ZNF385B: variants seen among roughly 807,000 people sequenced by gnomAD.
The protein encoded by ZNF385B is zinc finger protein 385B.
In ZNF385B, 23 loss-of-function variants were observed where a neutral mutation model predicts 39.2. The observed-to-expected ratio is 0.59, with a 90% CI of 0.42 to 0.83. The LOEUF (loss-of-function observed/expected upper bound fraction) is 0.83. ZNF385B is among the 40% of genes least tolerant of loss of function. ZNF385B has a pLI of 0.00. For missense variants in ZNF385B, 552 were observed against 598.9 expected, an observed-to-expected ratio of 0.92 and a Z score of 0.82; for synonymous variants, 205 against 222.6, an observed-to-expected ratio of 0.92 and a Z score of 0.70.
intron 6 of ZNF385B, chr2:179,480,786 T>A (rs2053909349): frequency 6.6e-6 from 1 of 152,132 alleles, no homozygotes; most frequent in South Asian, 2.1e-4. Context: ...TTAGTATTAA[T>A]ACTTATACCA....
At chr2:179,467,947 T>C (rs977038259) in intron 6 of ZNF385B, among the ~76,000 whole-genome samples, 18 of 152,212 alleles carry the variant, frequency 1.2e-4, no homozygotes, top group Admixed American at 1.2e-3. Context: ...CAGGCTACAA[T>C]CCTGACTTAG....
intron 1 of ZNF385B, among the ~76,000 whole-genome samples, chr2:179,821,415 C>A (rs941340267): frequency 1.3e-5 from 2 of 152,236 alleles, no homozygotes; most frequent in South Asian, 2.1e-4. Flanking sequence ...TTGAGAACAA[C>A]GTAGGAGCTG....
At chr2:179,807,929 A>AGAAAGAAATAAAGAAG (rs749760813) in intron 1 of ZNF385B, among the ~76,000 whole-genome samples, 1 of 116,414 alleles carries the variant, frequency 8.6e-6, no homozygotes, top group African/African-American at 2.9e-5. Context: ...AAAGAAAGAA[A>AGAAAGAAATAAAGAAG]GAAGGAAGGA....
At chr2:179,630,863 C>T (rs528106210) in intron 3 of ZNF385B, among the ~76,000 whole-genome samples, 40 of 152,202 alleles carry the variant, frequency 2.6e-4, no homozygotes, top group Non-Finnish European at 4.9e-4. Context: ...ATGAGAACTT[C>T]GTGACACATG....
intron 4 of ZNF385B, among the ~76,000 whole-genome samples, chr2:179,541,039 T>C (rs145977351): frequency 1.7e-3 from 261 of 152,312 alleles, no homozygotes; most frequent in Non-Finnish European, 2.9e-3. Flanking sequence ...TACCTATAAA[T>C]GACTCAAAAC....
Position 179,834,373 on chromosome 2 carries a change from TG to T in ZNF385B, c.-155+26727del, listed in dbSNP as rs1256970013. Among the ~76,000 whole-genome samples, 3 of 152,084 alleles carry T rather than the reference TG, an allele frequency of 2.0e-5. No individual in the cohort carries two copies. In the East Asian group the frequency reaches 5.8e-4, roughly 29 times the overall value. Reference sequence around the variant, plus strand: ...CTAAGCTAGACCAAAAAAAGTGGCTTGGGGAGAGTGCTCAATAACTAATTAA... The same window carrying T: ...CTAAGCTAGACCAAAAAAAGTGGCTTGGGAGAGTGCTCAATAACTAATTAA... On this transcript the variant is annotated intron_variant, in intron 1 of 9. Coordinates refer to ENST00000410066, the MANE Select transcript of ZNF385B (RefSeq NM_152520.6).
chr2:179,595,637 T>C (rs77331978), intron 3 of ZNF385B, among the ~76,000 whole-genome samples: 1 of 151,560 alleles, frequency 6.6e-6, no homozygotes, highest in African/African-American at 2.4e-5. Context: ...TTTTTTTTTT[T>C]CTTCCAGAGA....
chr2:179,786,787 C>A (rs1705032525), intron 1 of ZNF385B, among the ~76,000 whole-genome samples: 1 of 149,508 alleles, frequency 6.7e-6, no homozygotes, highest in African/African-American at 2.5e-5. Context: ...CATGATTATT[C>A]CCTTAGGATA....
intron 3 of ZNF385B, among the ~76,000 whole-genome samples, chr2:179,548,181 C>CT (rs1342236474): frequency 6.7e-6 from 1 of 149,572 alleles, no homozygotes; most frequent in African/African-American, 2.5e-5. Flanking sequence ...GATAATTTGA[C>CT]TTTTTCCTTT....
intron 3 of ZNF385B, among the ~76,000 whole-genome samples, chr2:179,626,855 G>A (rs1392782440): frequency 6.6e-6 from 1 of 152,106 alleles, no homozygotes; most frequent in African/African-American, 2.4e-5. Context: ...TAATTCTGTT[G>A]AAACATGATC....
intron 3 of ZNF385B, among the ~76,000 whole-genome samples, chr2:179,735,710 T>G (rs1316785156): frequency 9.9e-5 from 15 of 150,792 alleles, no homozygotes; most frequent in Non-Finnish European, 2.2e-4. Flanking sequence ...CCATAAAAAA[T>G]GATGAGTTCA....
intron 3 of ZNF385B, among the ~76,000 whole-genome samples, chr2:179,731,136 C>T (rs12472888): frequency 0.22 from 32,832 of 152,134 alleles, 4,046 homozygotes; most frequent in East Asian, 0.49. Flanking sequence ...ACTGTTCCCA[C>T]TTTGTAAAAA....
At chr2:179,800,006 G>A (rs1705928047) in intron 1 of ZNF385B, among the ~76,000 whole-genome samples, 1 of 152,040 alleles carries the variant, frequency 6.6e-6, no homozygotes, top group South Asian at 2.1e-4. Context: ...TGACATCCAA[G>A]AGCTAAAACT....
At chr2:179,577,696 T>G (rs773658245) in intron 3 of ZNF385B, among the ~76,000 whole-genome samples, 1 of 152,070 alleles carries the variant, frequency 6.6e-6, no homozygotes, top group African/African-American at 2.4e-5. Context: ...GTTTGGATAA[T>G]TATGTGTCAG....
intron 5 of ZNF385B, among the ~76,000 whole-genome samples, chr2:179,512,164 T>C (rs1214159296): frequency 2.0e-5 from 3 of 152,106 alleles, no homozygotes; most frequent in African/African-American, 7.2e-5. Flanking sequence ...CATGCTTTCA[T>C]TTTGATTTGC....
Position 179,493,777 on chromosome 2 carries a change from A to ATACATATGTGTATATGCATATATG in ZNF385B, c.553-10344_553-10343insCATATATGCATATACACATATGTA, listed in dbSNP as rs1559338308. Among the ~76,000 whole-genome samples, 8 of 100,502 alleles carry ATACATATGTGTATATGCATATATG rather than the reference A, an allele frequency of 8.0e-5. No homozygotes were observed. The East Asian group carries it at 1.3e-3, about 16-fold the overall frequency. 65.9% of individuals were successfully genotyped at this position (100,502 alleles called of 152,430 possible). A position where few individuals can be genotyped will look rare whatever the true frequency, so the allele number is the denominator to read the frequency against. ...TATACATATATGTATACATATATGT[A>ATACATATGTGTATATGCATATATG]TATACACATATGTATACATATATGT... On this transcript the variant is annotated intron_variant, in intron 5 of 9. Transcript: ENST00000410066.
chr2:179,722,957 C>G (rs1448753197), intron 3 of ZNF385B, among the ~76,000 whole-genome samples: 1 of 152,064 alleles, frequency 6.6e-6, no homozygotes, highest in Non-Finnish European at 1.5e-5. Context: ...TGAAAAGATG[C>G]TCAGCCTCAT....
At chr2:179,853,976 T>C (rs929378785) in intron 1 of ZNF385B, among the ~76,000 whole-genome samples, 2 of 152,170 alleles carry the variant, frequency 1.3e-5, no homozygotes, top group African/African-American at 4.8e-5. Context: ...GGGACTAAGA[T>C]GTGTTTAATC....
intron 6 of ZNF385B, among the ~76,000 whole-genome samples, chr2:179,449,545 G>A (rs1312558826): frequency 6.6e-6 from 1 of 151,988 alleles, no homozygotes; most frequent in Non-Finnish European, 1.5e-5. Flanking sequence ...AACTTACAAG[G>A]GACATGAAGG....
Sources: allele counts gnomAD v4.1 joint callset (sites outside exome capture counted in the v4.1 genomes callset), GRCh38; gene constraint gnomAD v4.1.1; transcripts MANE v1.5; gene names NCBI Gene and HGNC (gene_info 2026-07-23, HGNC 2026-07-21).